Variants in SIPA1L1 observed in about 807,000 individuals in gnomAD.
SIPA1L1 encodes signal-induced proliferation-associated 1-like protein 1.
A neutral mutation model predicts 162.7 loss-of-function variants in SIPA1L1; 26 were observed. The observed-to-expected ratio is 0.16, with a 90% confidence interval of 0.12 to 0.22. The LOEUF (loss-of-function observed/expected upper bound fraction) is 0.22, where lower values mean the gene tolerates loss of function less well. Ranked by LOEUF, SIPA1L1 falls within the 10% of genes least tolerant of loss-of-function variation. The pLI is 1.00. For missense variants in SIPA1L1, 1,874 were observed against 2,241.0 expected, an observed-to-expected ratio of 0.84 and a Z score of 3.31; for synonymous variants, 829 against 837.4, an observed-to-expected ratio of 0.99 and a Z score of 0.17.
intron 13 of SIPA1L1, among the ~76,000 whole-genome samples, chr14:71,686,749 A>G (rs1184405525): frequency 6.6e-6 from 1 of 151,986 alleles, no homozygotes; most frequent in Non-Finnish European, 1.5e-5. Flanking sequence ...TCCTTTCCCC[A>G]TCTCTTCAGG....
intron 5 of SIPA1L1, among the ~76,000 whole-genome samples, chr14:71,590,598 G>A (rs896875832): frequency 4.6e-5 from 7 of 152,042 alleles, no homozygotes; most frequent in African/African-American, 1.7e-4. Context: ...ATCTTGTCTC[G>A]TGACTAAACA....
chr14:71,354,045 A>G (rs2036979526), intron 2 of SIPA1L1, among the ~76,000 whole-genome samples: 1 of 151,352 alleles, frequency 6.6e-6, no homozygotes, highest in Admixed American at 6.6e-5. Flanking sequence ...TACTCAAACA[A>G]TTTTTTTTTC....
At chr14:71,539,579 G>A (rs1246867650) in intron 4 of SIPA1L1, among the ~76,000 whole-genome samples, 1 of 152,220 alleles carries the variant, frequency 6.6e-6, no homozygotes, top group East Asian at 1.9e-4. Flanking sequence ...GGCCACATGA[G>A]AAATAACTGA....
At chr14:71,335,959 A>G (rs1386460304) in intron 2 of SIPA1L1, among the ~76,000 whole-genome samples, 1 of 152,232 alleles carries the variant, frequency 6.6e-6, no homozygotes, top group African/African-American at 2.4e-5. Context: ...AATTTTGGTC[A>G]ATTGTAACAA....
intron 18 of SIPA1L1, 144 bp from the exon 19 acceptor site, chr14:71,724,525 TC>T (rs2084046797): frequency 1.7e-6 from 1 of 582,914 alleles, no homozygotes; most frequent in Non-Finnish European, 2.9e-6. Context: ...ATGAGTAGAT[TC>T]GCATATAAAC....
At chr14:71,383,652 T>C (rs2040088193) in intron 2 of SIPA1L1, among the ~76,000 whole-genome samples, 1 of 152,020 alleles carries the variant, frequency 6.6e-6, no homozygotes, top group Admixed American at 6.5e-5. Flanking sequence ...CTTACAATCA[T>C]GATGAAAGGG....
In SIPA1L1 at chr14:71,730,175, T is replaced by C. The variant is rs1289412146; in HGVS notation, c.4735T>C (p.Ser1579Pro). The change falls in exon 20 of 24, where the codon TCC becomes CCC. Residue 1579 changes from serine (S) to proline (P), a missense_variant. Ser to Pro is a moderately conservative substitution (Grantham distance 74). This residue lies in a region of SIPA1L1 where 936 missense variants were observed against 1,051.9 expected (regional missense o/e 0.89). Transcript: ENST00000381232. ...TAGCCAGAGGGAGCACTTTTTCACC[T>C]CCAGGGCGTCACTTCTGGACCAAGC... ...YNSQREHFFT[S>P]RASLLDQALP... 1 of 1,614,106 alleles carries C rather than the reference T, an allele frequency of 6.2e-7. No individual in the cohort carries two copies. Among genetic ancestry groups the C allele is most frequent in the South Asian group, 1.1e-5 (1 of 91,078 alleles).
chr14:71,421,144 A>C (rs981974725), intron 2 of SIPA1L1, among the ~76,000 whole-genome samples: 1 of 152,332 alleles, frequency 6.6e-6, no homozygotes, highest in Non-Finnish European at 1.5e-5. Flanking sequence ...AATTAAGATC[A>C]TATTGCGCAT....
At chr14:71,615,868 C>T (rs2148431728) in intron 5 of SIPA1L1, among the ~76,000 whole-genome samples, 1 of 152,194 alleles carries the variant, frequency 6.6e-6, no homozygotes, top group Non-Finnish European at 1.5e-5. Context: ...TGATGGTGCA[C>T]ACCTGTAATC....
At chr14:71,627,468 T>C (rs1025063651) in intron 7 of SIPA1L1, among the ~76,000 whole-genome samples, 10 of 152,196 alleles carry the variant, frequency 6.6e-5, no homozygotes, top group African/African-American at 2.4e-4. Flanking sequence ...GTGATGCCCA[T>C]GTCAGTTGTT....
At chr14:71,626,497 A>C (rs989040345) in intron 7 of SIPA1L1, among the ~76,000 whole-genome samples, 1 of 152,218 alleles carries the variant, frequency 6.6e-6, no homozygotes, top group African/African-American at 2.4e-5. Flanking sequence ...TTTTGGTAGG[A>C]AATCTCATTA....
rs146015875 is a variant in SIPA1L1, at chr14:71,588,705, G to C, written c.833G>C (p.Arg278Thr). 6.2e-6 allele frequency: 10 copies of C among 1,613,994 alleles called. No individual in the cohort carries two copies. Among genetic ancestry groups the C allele is most frequent in the Admixed American group, 1.7e-5 (1 of 60,010 alleles). Residue 278 changes from arginine (R) to threonine (T), a missense_variant, in exon 5 of 24, where the codon AGG becomes ACG. Coordinates refer to ENST00000381232, the MANE Select transcript of SIPA1L1 (RefSeq NM_001386936.1). The surrounding 1 kb of genome is among the most constrained non-coding windows in gnomAD (Gnocchi z 4.3). ...GAGAACCTCAGGCTTTTTAAGGAAA[G>C]GGAAAAACCACTCAAGCGACGTTCA... Reference protein sequence around the residue: ...QRENLRLFKEREKPLKRRSKS... With the variant: ...QRENLRLFKETEKPLKRRSKS...
rs963805811 is a variant in SIPA1L1 at position 71,689,235 on chromosome 14, A to G, written c.3374+3604A>G. 3.3e-5 allele frequency among the ~76,000 whole-genome samples: 5 copies of G among 152,336 alleles called. No individual in the cohort carries two copies. In the East Asian group the frequency reaches 9.6e-4, roughly 29 times the overall value. ...GGATGATGTTCTTTATACATAGTTA[A>G]GAGAAACTGACACAGTAAGAATTGA... On this transcript the variant is annotated intron_variant, in intron 13 of 23. Coordinates refer to ENST00000381232, the MANE Select transcript of SIPA1L1 (RefSeq NM_001386936.1).
intron 2 of SIPA1L1, among the ~76,000 whole-genome samples, chr14:71,494,548 G>A (rs2049569539): frequency 1.4e-5 from 2 of 146,542 alleles, no homozygotes; most frequent in Non-Finnish European, 3.0e-5. Flanking sequence ...TTTGAGACAG[G>A]GTCTTACTTA....
At chr14:71,635,313 TG>T (rs1342023271) in intron 7 of SIPA1L1, among the ~76,000 whole-genome samples, 5 of 152,134 alleles carry the variant, frequency 3.3e-5, no homozygotes, top group African/African-American at 9.7e-5. Context: ...AAAGGGATCT[TG>T]GAACTTCAGA....
intron 2 of SIPA1L1, among the ~76,000 whole-genome samples, chr14:71,392,276 C>T (rs374238560): frequency 0.042 from 6,370 of 152,244 alleles, 194 homozygotes; most frequent in Non-Finnish European, 0.058. Context: ...GATGTGGCTT[C>T]TGCCTTCTCT....
chr14:71,561,065 T>G (rs1296567115), intron 4 of SIPA1L1, among the ~76,000 whole-genome samples: 1 of 152,232 alleles, frequency 6.6e-6, no homozygotes, highest in Non-Finnish European at 1.5e-5. Context: ...AAAAGAGTTC[T>G]TTTTAGTAGC....
intron 5 of SIPA1L1, among the ~76,000 whole-genome samples, chr14:71,609,872 C>T (rs1419018817): frequency 3.3e-5 from 5 of 152,006 alleles, no homozygotes; most frequent in Non-Finnish European, 7.4e-5. Context: ...ACTTCCCCTG[C>T]GCCCCCCACC....
At chr14:71,572,926 T>C (rs1485766491) in intron 4 of SIPA1L1, among the ~76,000 whole-genome samples, 1 of 152,200 alleles carries the variant, frequency 6.6e-6, no homozygotes, top group African/African-American at 2.4e-5. Flanking sequence ...AATAGGTACA[T>C]AGAATGGGGT....
Sources: allele counts gnomAD v4.1 joint callset (sites outside exome capture counted in the v4.1 genomes callset), GRCh38; gene constraint gnomAD v4.1.1; regional missense constraint gnomAD v4.1.1; non-coding constraint Gnocchi (gnomAD v3.1); transcripts MANE v1.5; gene names NCBI Gene and HGNC (gene_info 2026-07-23, HGNC 2026-07-21).